ULK4: variants seen among roughly 807,000 people sequenced by gnomAD.
The protein encoded by ULK4 is inactive serine/threonine-protein kinase ULK4.
A neutral mutation model predicts 160.6 loss-of-function variants in ULK4; 133 were observed. The ratio of observed to expected loss-of-function variants is 0.83; its 90% confidence interval spans 0.72 to 0.96. The LOEUF is 0.96. Among genes scored for constraint, ULK4 ranks in the 40% least tolerant of loss-of-function variants. The probability of loss-of-function intolerance (pLI) is 0.00; values close to 1 mark genes in which losing one functional copy is unlikely to be tolerated. For missense variants in ULK4, 1,580 were observed against 1,499.5 expected (o/e 1.05, Z -0.89); for synonymous variants, 534 against 539.8 (o/e 0.99, Z 0.15).
chr3:41,419,730 G>C (rs184372156), intron 34 of ULK4, among the ~76,000 whole-genome samples: 1 of 152,122 alleles, frequency 6.6e-6, no homozygotes, highest in Admixed American at 6.6e-5. Flanking sequence ...GTGAAGGCCC[G>C]GGGGTACGTG....
At chr3:41,581,171 A>C (rs114727382) in intron 31 of ULK4, among the ~76,000 whole-genome samples, 1,816 of 152,126 alleles carry the variant, frequency 0.012, 41 homozygotes, top group African/African-American at 0.041. Context: ...ATCTTTCTTC[A>C]CTCCCCCAAG....
At chr3:41,297,441 G>T (rs996070066) in intron 35 of ULK4, among the ~76,000 whole-genome samples, 1 of 152,234 alleles carries the variant, frequency 6.6e-6, no homozygotes, top group Non-Finnish European at 1.5e-5. Flanking sequence ...AACAGGGGCC[G>T]AACTGATGCT....
chr3:41,718,795 G>A (rs1478740689), intron 22 of ULK4, among the ~76,000 whole-genome samples: 2 of 152,144 alleles, frequency 1.3e-5, no homozygotes, highest in East Asian at 1.9e-4. Context: ...TACATAAAAT[G>A]TATTGAAATC....
intron 2 of ULK4, among the ~76,000 whole-genome samples, chr3:41,938,990 T>C (rs1187782053): frequency 7.9e-5 from 12 of 152,156 alleles, no homozygotes. Flanking sequence ...AGTTGTATTA[T>C]CAACTGACAA....
chr3:41,572,426 C>T (rs1186577751), intron 31 of ULK4, among the ~76,000 whole-genome samples: 4 of 152,120 alleles, frequency 2.6e-5, no homozygotes, highest in African/African-American at 9.7e-5. Flanking sequence ...CCCCTCCCCC[C>T]ACCACTGGGA....
At chr3:41,673,670 C>T (rs1199333272) in intron 29 of ULK4, among the ~76,000 whole-genome samples, 2 of 149,872 alleles carry the variant, frequency 1.3e-5, no homozygotes, top group African/African-American at 2.5e-5. Flanking sequence ...ACACTCAAAC[C>T]TAAATATATA....
At chr3:41,846,222 A>T (rs946519748) in intron 17 of ULK4, among the ~76,000 whole-genome samples, 1 of 152,144 alleles carries the variant, frequency 6.6e-6, no homozygotes, top group African/African-American at 2.4e-5. Flanking sequence ...ATTTGTATAG[A>T]TTTTCCATTT....
rs1021981949 is a variant in ULK4, at chr3:41,935,055, C to T, written c.378+746G>A. Among the ~76,000 whole-genome samples the T allele has an allele frequency of 7.2e-4, 98 of 136,114 alleles. 1 individual carries two copies. The highest frequency in any genetic ancestry group is 2.5e-3 in the African/African-American group (91 of 35,896). 89.3% of individuals were successfully genotyped at this position (136,114 alleles called of 152,430 possible). On this transcript the variant is annotated intron_variant, in intron 4 of 36. Coordinates refer to ENST00000301831, the MANE Select transcript of ULK4 (RefSeq NM_017886.4). ...TTTTTTTTTGAAATGGAGTCTCGCT[C>T]TGTCACCCAGGCTGGAGTGCAGTGG...
chr3:41,469,613 A>AAAAAAAAAAAAAAAC (rs2083922440), intron 32 of ULK4, among the ~76,000 whole-genome samples: 3 of 147,772 alleles, frequency 2.0e-5, no homozygotes, highest in African/African-American at 7.5e-5. Context: ...AAAAAAAAAA[A>AAAAAAAAAAAAAAAC]AAAAAAAAAA....
intron 21 of ULK4, among the ~76,000 whole-genome samples, chr3:41,767,686 C>T (rs943621900): frequency 6.6e-6 from 1 of 152,126 alleles, no homozygotes; most frequent in Non-Finnish European, 1.5e-5. Context: ...AAATGGATGG[C>T]AGCCAGTGTT....
At chr3:41,336,203 A>C (rs566003120) in intron 35 of ULK4, among the ~76,000 whole-genome samples, 1 of 152,360 alleles carries the variant, frequency 6.6e-6, no homozygotes, top group East Asian at 1.9e-4. Context: ...CAGTTCTGCT[A>C]CCAGGAAAAC....
intron 19 of ULK4, among the ~76,000 whole-genome samples, chr3:41,810,920 C>G (rs1390278339): frequency 4.6e-5 from 7 of 152,094 alleles, no homozygotes; most frequent in Non-Finnish European, 1.0e-4. Flanking sequence ...GGGTCTTGCT[C>G]TGTTGCCCAG....
Position 41,290,435 on chromosome 3 carries a change from G to A in ULK4, c.3679-40861C>T, listed in dbSNP as rs115104360. Among the ~76,000 whole-genome samples, 69 of 152,252 alleles carry A rather than the reference G, an allele frequency of 4.5e-4. 1 individual carries two copies. Among genetic ancestry groups the A allele is most frequent in the African/African-American group, 1.6e-3 (68 of 41,548 alleles). Reference sequence around the variant, plus strand: ...ACCAACTGGAAAGTAGGAGGAGCTGGAATTTGAACCCTCAGTCTGGCTTCA... The same window carrying A: ...ACCAACTGGAAAGTAGGAGGAGCTGAAATTTGAACCCTCAGTCTGGCTTCA... On this transcript the variant is annotated intron_variant, in intron 35 of 36. Transcript: ENST00000301831.
At chr3:41,919,847 G>T in intron 5 of ULK4, 29 bp from the exon 6 acceptor site, 1 of 1,541,894 alleles carries the variant, frequency 6.5e-7, no homozygotes, top group Non-Finnish European at 8.9e-7. Flanking sequence ...GAACAGCTCG[G>T]TTAGGCATTT....
At chr3:41,675,586 T>C (rs1001823061) in intron 29 of ULK4, among the ~76,000 whole-genome samples, 2 of 151,926 alleles carry the variant, frequency 1.3e-5, no homozygotes, top group African/African-American at 4.8e-5. Context: ...GGAGACTCTA[T>C]CTCAAAACAA....
rs764534767 is a variant in ULK4, at chr3:41,715,339, C to G, written c.2578-46G>C. 6.8e-6 allele frequency: 11 copies of G among 1,610,458 alleles called. No homozygotes were observed. The Admixed American group carries it at 1.5e-4, about 22-fold the overall frequency. Reference sequence around the variant, plus strand: ...CAGATTAAATTCTGGAAGCTATGTACAACGTTAGCTCAATAAAAAAAAAAT... The same window carrying G: ...CAGATTAAATTCTGGAAGCTATGTAGAACGTTAGCTCAATAAAAAAAAAAT... On this transcript the variant is annotated intron_variant, in intron 24 of 36. Coordinates refer to ENST00000301831, the MANE Select transcript of ULK4 (RefSeq NM_017886.4).
intron 18 of ULK4, among the ~76,000 whole-genome samples, chr3:41,823,704 T>TCAAACTGACAATTCCA (rs2041229841): frequency 6.6e-6 from 1 of 152,178 alleles, no homozygotes. Flanking sequence ...TTTATTGTAC[T>TCAAACTGACAATTCCA]CAAACTGACA....
At position 41,584,480 on chromosome 3, in the gene ULK4, G is replaced by A. The variant is rs185862284; in HGVS notation, c.3121-18350C>T. Among the ~76,000 whole-genome samples the A allele has an allele frequency of 2.5e-3, 381 of 152,006 alleles. 5 individuals carry two copies. Among genetic ancestry groups the A allele is most frequent in the South Asian group, 3.3e-3 (16 of 4,816 alleles). On this transcript the variant is annotated intron_variant, in intron 31 of 36. Transcript: ENST00000301831. ...CTAATTAATTAATTAGTAGAGATGA[G>A]GTCTCACTATATTGCCCAGTGATCT...
intron 27 of ULK4, among the ~76,000 whole-genome samples, chr3:41,703,636 A>C (rs572832043): frequency 6.6e-6 from 1 of 152,268 alleles, no homozygotes; most frequent in Admixed American, 6.5e-5. Flanking sequence ...AAAAGAAAGG[A>C]AATAAAAATA....
Sources: allele counts gnomAD v4.1 joint callset (sites outside exome capture counted in the v4.1 genomes callset), GRCh38; gene constraint gnomAD v4.1.1; transcripts MANE v1.5; gene names NCBI Gene and HGNC (gene_info 2026-07-23, HGNC 2026-07-21).